The following STXBP6 variants were observed in gnomAD, a reference collection of about 807,000 sequenced individuals.
STXBP6 encodes syntaxin binding protein 6.
A neutral mutation model predicts 26.9 loss-of-function variants in STXBP6; 21 were observed. The observed-to-expected ratio is 0.78, with a 90% CI of 0.55 to 1.12. STXBP6 has a LOEUF of 1.12. Ranked by LOEUF, STXBP6 falls within the 50% of genes most tolerant of loss-of-function variation. The pLI, the probability that STXBP6 is intolerant of heterozygous loss-of-function variation, is 0.00. For synonymous variants in STXBP6, 97 were observed against 92.6 expected, an observed-to-expected ratio of 1.05 and a Z score of -0.27; for missense variants, 232 against 257.9, an observed-to-expected ratio of 0.90 and a Z score of 0.69.
intron 4 of STXBP6, among the ~76,000 whole-genome samples, chr14:24,852,120 AT>A (rs776739261): frequency 1.2e-4 from 19 of 152,222 alleles, no homozygotes; most frequent in South Asian, 4.1e-4. Context: ...TTTGTTAGAG[AT>A]TAACTGCCTT....
chr14:24,984,158 G>C (rs1051526248), intron 1 of STXBP6, among the ~76,000 whole-genome samples: 7 of 152,128 alleles, frequency 4.6e-5, no homozygotes, highest in African/African-American at 1.7e-4. Context: ...CTTGAACCCG[G>C]GAGGTGGAGG....
intron 1 of STXBP6, among the ~76,000 whole-genome samples, chr14:25,038,944 G>A (rs1411793487): frequency 6.6e-6 from 1 of 152,098 alleles, no homozygotes; most frequent in East Asian, 1.9e-4. Context: ...TAGACCTACT[G>A]TACAACACCA....
chr14:24,914,624 G>C (rs2071694137), intron 2 of STXBP6, among the ~76,000 whole-genome samples: 1 of 152,108 alleles, frequency 6.6e-6, no homozygotes, highest in African/African-American at 2.4e-5. Context: ...CCCCTCACAG[G>C]CCTGACACAA....
chr14:24,851,234 C>T (rs12889497), intron 4 of STXBP6, among the ~76,000 whole-genome samples: 27,465 of 91,406 alleles, frequency 0.3, 3,129 homozygotes, highest in South Asian at 0.4. Flanking sequence ...AGGCAGACCA[C>T]GTCTCTTTTT....
chr14:24,820,281 T>G (rs1452740672), intron 4 of STXBP6, among the ~76,000 whole-genome samples: 3 of 152,180 alleles, frequency 2.0e-5, no homozygotes, highest in East Asian at 1.9e-4. Context: ...TTTCCACTGG[T>G]CTCAGCTGCA....
chr14:24,974,961 T>A, intron 1 of STXBP6, 111 bp from the exon 2 acceptor site: 1 of 612,952 alleles, frequency 1.6e-6, no homozygotes, highest in Non-Finnish European at 2.6e-6. Flanking sequence ...ATTTACAGTT[T>A]AATCTCATAA....
intron 2 of STXBP6, among the ~76,000 whole-genome samples, chr14:24,969,924 C>T (rs892913311): frequency 2.0e-5 from 3 of 152,082 alleles, no homozygotes; most frequent in Non-Finnish European, 2.9e-5. Context: ...TTCCCACTAG[C>T]GACTCTGTAA....
chr14:24,969,691 T>C lies in STXBP6; in HGVS notation c.154+4974A>G, dbSNP rs933967128. On this transcript the variant is annotated intron_variant, in intron 2 of 5. Coordinates refer to ENST00000323944, the MANE Select transcript of STXBP6 (RefSeq NM_001394410.1). ...AAGGAATTTATCATATTAGCTCCAGTCTTTGAGCAACCTAATCCACATGAG... is the reference window on the plus strand; with the variant it reads ...AAGGAATTTATCATATTAGCTCCAGCCTTTGAGCAACCTAATCCACATGAG... Among the ~76,000 whole-genome samples, 4 of 152,310 alleles carry C rather than the reference T, an allele frequency of 2.6e-5. 1 individual carries two copies. In the East Asian group the frequency reaches 5.8e-4, roughly 22 times the overall value.
At chr14:24,872,153 G>C (rs554433093) in intron 2 of STXBP6, among the ~76,000 whole-genome samples, 2 of 152,290 alleles carry the variant, frequency 1.3e-5, no homozygotes, top group South Asian at 4.2e-4. Context: ...AGAAATTTTA[G>C]TCTATTAGCA....
intron 2 of STXBP6, among the ~76,000 whole-genome samples, chr14:24,971,282 AC>A: frequency 6.6e-6 from 1 of 152,196 alleles, no homozygotes; most frequent in South Asian, 2.1e-4. Flanking sequence ...TATATGAAAC[AC>A]CCATGTCTAG....
At chr14:24,932,045 T>G (rs939917189) in intron 2 of STXBP6, among the ~76,000 whole-genome samples, 1 of 152,100 alleles carries the variant, frequency 6.6e-6, no homozygotes, top group African/African-American at 2.4e-5. Flanking sequence ...AAAAAAGCAG[T>G]ACTAGATCGT....
intron 2 of STXBP6, among the ~76,000 whole-genome samples, chr14:24,926,442 T>C (rs2072173995): frequency 6.6e-6 from 1 of 152,138 alleles, no homozygotes; most frequent in Non-Finnish European, 1.5e-5. Context: ...GAGTCTTCTA[T>C]TTTGGACGAA....
At chr14:24,903,945 T>A (rs1299198772) in intron 2 of STXBP6, among the ~76,000 whole-genome samples, 1 of 152,214 alleles carries the variant, frequency 6.6e-6, no homozygotes, top group Admixed American at 6.5e-5. Context: ...CTCCTTCCCA[T>A]CCTGACCAAA....
chr14:24,923,339 G>A (rs946083715), intron 2 of STXBP6, among the ~76,000 whole-genome samples: 1 of 152,066 alleles, frequency 6.6e-6, no homozygotes, highest in Non-Finnish European at 1.5e-5. Flanking sequence ...TTTTACTGCT[G>A]TATGGTATTC....
chr14:25,038,529 AACT>A (rs2075590695), intron 1 of STXBP6, among the ~76,000 whole-genome samples: 2 of 152,268 alleles, frequency 1.3e-5, no homozygotes, highest in Non-Finnish European at 1.5e-5. Flanking sequence ...AAAATAAATA[AACT>A]ACTGCTGCAT....
chr14:25,043,909 T>C (rs2075682267), intron 1 of STXBP6, among the ~76,000 whole-genome samples: 1 of 152,176 alleles, frequency 6.6e-6, no homozygotes, highest in African/African-American at 2.4e-5. Flanking sequence ...CCAGGCGCAG[T>C]GGCTCATGCC....
chr14:25,049,523 G>A lies in STXBP6; in HGVS notation c.-33+355C>T. ...TCGGGGCAGCATTCTCGGGGCCCAT[G>A]CCATCGCGGGGACGGTGCGGAAAAA... On this transcript the variant is annotated intron_variant, in intron 1 of 5. Coordinates refer to ENST00000323944, the MANE Select transcript of STXBP6 (RefSeq NM_001394410.1). The surrounding 1 kb of genome is among the most constrained non-coding windows in gnomAD (Gnocchi z 5.6). 1.0e-6 allele frequency: 1 copy of A among 985,520 alleles called. No individual in the cohort carries two copies. The highest frequency in any genetic ancestry group is 4.7e-5 in the South Asian group (1 of 21,284). The allele number at this position is 985,520 out of a possible 1,614,324, so 61.0% of individuals were successfully genotyped here.
intron 4 of STXBP6, among the ~76,000 whole-genome samples, chr14:24,846,762 A>G (rs2068977307): frequency 6.6e-6 from 1 of 152,146 alleles, no homozygotes; most frequent in Admixed American, 6.5e-5. Flanking sequence ...TGCTCCTACA[A>G]ATTTGAAGTT....
At chr14:25,004,817 C>G (rs1434107573) in intron 1 of STXBP6, among the ~76,000 whole-genome samples, 1 of 152,222 alleles carries the variant, frequency 6.6e-6, no homozygotes, top group African/African-American at 2.4e-5. Context: ...GAGTGCGCAG[C>G]AAGAAGCATA....
Sources: allele counts gnomAD v4.1 joint callset (sites outside exome capture counted in the v4.1 genomes callset), GRCh38; gene constraint gnomAD v4.1.1; non-coding constraint Gnocchi (gnomAD v3.1); transcripts MANE v1.5; gene names NCBI Gene and HGNC (gene_info 2026-07-23, HGNC 2026-07-21).